ROBO1: variants seen among roughly 807,000 people sequenced by gnomAD.
The protein encoded by ROBO1 is roundabout guidance receptor 1.
A neutral mutation model predicts 195.9 loss-of-function variants in ROBO1; 149 were observed. The observed-to-expected ratio is 0.76, with a 90% CI of 0.67 to 0.87. The LOEUF is 0.87. ROBO1 is among the 40% of genes least tolerant of loss of function. The pLI, the probability that ROBO1 is intolerant of heterozygous loss-of-function variation, is 0.00. For synonymous variants in ROBO1, 816 were observed against 733.2 expected (o/e 1.11, Z -1.82); for missense variants, 1,933 against 2,068.3 (o/e 0.93, Z 1.27).
chr3:79,581,968 A>G (rs1483097168), intron 2 of ROBO1, among the ~76,000 whole-genome samples: 1 of 151,968 alleles, frequency 6.6e-6, no homozygotes, highest in Admixed American at 6.6e-5. Flanking sequence ...ATTGTCTAGA[A>G]TATTCTACTA....
intron 2 of ROBO1, among the ~76,000 whole-genome samples, chr3:79,496,288 T>C (rs1380784314): frequency 6.7e-6 from 1 of 149,438 alleles, no homozygotes; most frequent in East Asian, 2.0e-4. Context: ...ATGTATATAA[T>C]ATGTAAGTAA....
At chr3:79,759,544 A>G (rs924632473) in intron 1 of ROBO1, among the ~76,000 whole-genome samples, 1 of 152,230 alleles carries the variant, frequency 6.6e-6, no homozygotes, top group Non-Finnish European at 1.5e-5. Context: ...AATATACTCT[A>G]TAAAGAACTA....
intron 4 of ROBO1, among the ~76,000 whole-genome samples, chr3:78,858,138 G>A (rs527669112): frequency 4.6e-5 from 7 of 152,200 alleles, no homozygotes; most frequent in Non-Finnish European, 8.8e-5. Context: ...GGGGGACAGG[G>A]CTTTAAGTGT....
chr3:79,357,708 C>T (rs186871814), intron 2 of ROBO1, among the ~76,000 whole-genome samples: 14 of 152,188 alleles, frequency 9.2e-5, no homozygotes, highest in Non-Finnish European at 1.6e-4. Flanking sequence ...TTCTAAAACA[C>T]CACATATTGC....
chr3:79,181,327 T>C (rs973185243), intron 2 of ROBO1, among the ~76,000 whole-genome samples: 1 of 152,198 alleles, frequency 6.6e-6, no homozygotes, highest in Non-Finnish European at 1.5e-5. Context: ...TTTGAATTGT[T>C]ACTGGCCTGG....
At chr3:79,611,481 C>A (rs1044913349) in intron 1 of ROBO1, among the ~76,000 whole-genome samples, 1 of 151,960 alleles carries the variant, frequency 6.6e-6, no homozygotes, top group Non-Finnish European at 1.5e-5. Context: ...AGACTTGGAA[C>A]CAACCCAAAT....
intron 3 of ROBO1, among the ~76,000 whole-genome samples, chr3:79,014,141 T>G (rs2077860713): frequency 6.6e-6 from 1 of 152,182 alleles, no homozygotes; most frequent in African/African-American, 2.4e-5. Flanking sequence ...GTTGTTGAAT[T>G]TAAGAGAATA....
chr3:78,870,711 G>C (rs566980049), intron 4 of ROBO1, among the ~76,000 whole-genome samples: 1 of 152,162 alleles, frequency 6.6e-6, no homozygotes, highest in South Asian at 2.1e-4. Flanking sequence ...GAAAATTGCT[G>C]AGCCAATCAG....
In ROBO1 at chr3:78,874,900, CAAAT is replaced by C. The variant is rs555056284; in HGVS notation, c.499+63697_499+63700del. ...CTCTATTCTATTTATTTATTAGATTCAAATAAATAATCTTATATTCAAATTCAAC... is the reference window on the plus strand; with the variant it reads ...CTCTATTCTATTTATTTATTAGATTCAAATAATCTTATATTCAAATTCAAC... On this transcript the variant is annotated intron_variant, in intron 4 of 30. Transcript: ENST00000464233. 2.7e-4 allele frequency among the ~76,000 whole-genome samples: 41 copies of C among 151,910 alleles called. No individual in the cohort carries two copies. In the South Asian group the frequency reaches 5.0e-3, roughly 18 times the overall value.
At chr3:79,737,291 G>A (rs1412302750) in intron 1 of ROBO1, among the ~76,000 whole-genome samples, 10 of 152,136 alleles carry the variant, frequency 6.6e-5, no homozygotes, top group Admixed American at 6.5e-4. Flanking sequence ...CAAAGAAAGT[G>A]GAGGAGAAAG....
intron 2 of ROBO1, among the ~76,000 whole-genome samples, chr3:79,481,178 C>G (rs1938833705): frequency 6.6e-6 from 1 of 151,940 alleles, no homozygotes; most frequent in Non-Finnish European, 1.5e-5. Flanking sequence ...ACGAAAATGC[C>G]AAGGAGAGTA....
intron 3 of ROBO1, among the ~76,000 whole-genome samples, chr3:79,019,806 C>G (rs2078060691): frequency 6.6e-6 from 1 of 152,052 alleles, no homozygotes; most frequent in South Asian, 2.1e-4. Flanking sequence ...CTTGCCGCTT[C>G]CAGGAATTGG....
At chr3:79,434,631 C>T (rs922650007) in intron 2 of ROBO1, among the ~76,000 whole-genome samples, 3 of 152,118 alleles carry the variant, frequency 2.0e-5, no homozygotes, top group Admixed American at 6.5e-5. Flanking sequence ...TAAACTAATT[C>T]AACCATTGTG....
intron 1 of ROBO1, among the ~76,000 whole-genome samples, chr3:79,732,216 A>G (rs1045888698): frequency 2.6e-5 from 4 of 151,912 alleles, no homozygotes; most frequent in Non-Finnish European, 5.9e-5. Context: ...GTATAATCTT[A>G]TGGGGCTACT....
chr3:78,752,345 G>T (rs1430997009), intron 4 of ROBO1, among the ~76,000 whole-genome samples: 2 of 152,088 alleles, frequency 1.3e-5, no homozygotes, highest in Non-Finnish European at 2.9e-5. Context: ...TATAACTCTT[G>T]TATCTTCCTT....
chr3:78,788,998 A>T (rs916930570), intron 4 of ROBO1, among the ~76,000 whole-genome samples: 1 of 152,198 alleles, frequency 6.6e-6, no homozygotes, highest in Non-Finnish European at 1.5e-5. Context: ...GAATTGACTC[A>T]TTTCACTAAT....
intron 1 of ROBO1, among the ~76,000 whole-genome samples, chr3:79,692,605 T>C (rs1286960316): frequency 6.6e-6 from 1 of 151,698 alleles, no homozygotes; most frequent in African/African-American, 2.4e-5. Context: ...GGATAGTGGG[T>C]TCTAAAAAAG....
chr3:79,229,740 A>G (rs2082289174), intron 2 of ROBO1, among the ~76,000 whole-genome samples: 1 of 152,114 alleles, frequency 6.6e-6, no homozygotes, highest in South Asian at 2.1e-4. Flanking sequence ...TTTGAAAGTT[A>G]TTTTGTGACA....
At chr3:79,111,845 C>T (rs1264806630) in intron 3 of ROBO1, among the ~76,000 whole-genome samples, 4 of 152,074 alleles carry the variant, frequency 2.6e-5, no homozygotes, top group African/African-American at 9.7e-5. Flanking sequence ...AACTTAGACA[C>T]AAATGATGTT....
Sources: gnomAD v4.1 joint callset for allele counts (sites outside exome capture counted in the v4.1 genomes callset) on GRCh38, gnomAD v4.1.1 for gene constraint, MANE v1.5 for transcripts, NCBI Gene and HGNC (gene_info 2026-07-23, HGNC 2026-07-21) for gene names.